The following PAGE2 variants were observed in gnomAD, a reference collection of about 807,000 sequenced individuals.
The protein encoded by PAGE2 is P antigen family member 2.
A neutral mutation model predicts 7.5 loss-of-function variants in PAGE2; 6 were observed. That is an observed-to-expected ratio of 0.80 (90% CI 0.44 to 1.57). The LOEUF (loss-of-function observed/expected upper bound fraction) is 1.57. Ranked by LOEUF, PAGE2 falls within the 40% of genes most tolerant of loss-of-function variation. PAGE2 has a pLI of 0.01. For missense variants in PAGE2, 72 were observed against 76.4 expected, an observed-to-expected ratio of 0.94 and a Z score of 0.21; for synonymous variants, 22 against 25.4, an observed-to-expected ratio of 0.87 and a Z score of 0.41.
Position 55,090,610 on chromosome X carries a change from G to A in PAGE2, c.193G>A (p.Gly65Arg). Residue 65 changes from glycine to arginine, a missense_variant and splice_region_variant, in exon 3 of 5, where the codon GGG becomes AGG. Coordinates refer to ENST00000374968, the MANE Select transcript of PAGE2 (RefSeq NM_207339.4). ...IENQAVPAFQ[G>R]PDMEAFQQEL... ...AAATCAAGCAGTGCCTGCTTTTCAA[G>A]GTGAAGGGAGAGTGGAAAATAATGC... 1 of 1,198,909 alleles carries A rather than the reference G, an allele frequency of 8.3e-7. No homozygotes were observed. Among genetic ancestry groups the A allele is most frequent in the Middle Eastern group, 2.3e-4 (1 of 4,321 alleles).
chrX:55,089,397 G>A (rs1460262152), intron 1 of PAGE2, among the ~76,000 whole-genome samples: 1 of 110,394 alleles, frequency 9.1e-6, no homozygotes, highest in Non-Finnish European at 1.9e-5. Context: ...CCCTCTGAGA[G>A]AGGACAGTTT....
In PAGE2 at chrX:55,090,482, A is replaced by G; in HGVS notation, c.85-20A>G. The G allele has an allele frequency of 2.6e-6, 3 of 1,156,987 alleles. No individual in the cohort carries two copies. Among genetic ancestry groups the G allele is most frequent in the Non-Finnish European group, 3.5e-6 (3 of 855,456 alleles). On this transcript the variant is annotated intron_variant, in intron 2 of 4. Coordinates refer to ENST00000374968, the MANE Select transcript of PAGE2 (RefSeq NM_207339.4). ...TTTATATTATTGACTTTTTATTCAC[A>G]CACACACTTACACCCTTAGGTCCAG...
At chrX:55,091,729 A>T (rs1936658348) in intron 4 of PAGE2, among the ~76,000 whole-genome samples, 1 of 80,330 alleles carries the variant, frequency 1.2e-5, no homozygotes, top group Non-Finnish European at 2.7e-5. Context: ...AATTGGGTCA[A>T]AACTAATTGG....
intron 2 of PAGE2, among the ~76,000 whole-genome samples, 197 bp from the exon 3 acceptor site, chrX:55,090,305 T>G (rs1936642761): frequency 9.9e-6 from 1 of 101,275 alleles, no homozygotes; most frequent in Non-Finnish European, 2.0e-5. Flanking sequence ...TCTCTCTATC[T>G]CTATGTATGT....
chrX:55,091,228 C>T, intron 3 of PAGE2, 104 bp from the exon 4 acceptor site: 2 of 1,135,400 alleles, frequency 1.8e-6, no homozygotes, highest in East Asian at 3.1e-5. Flanking sequence ...AAATAATTAG[C>T]CTACCGGTTT....
chrX:55,091,130 A>G (rs1158127025), intron 3 of PAGE2, among the ~76,000 whole-genome samples: 2 of 111,418 alleles, frequency 1.8e-5, no homozygotes, highest in Admixed American at 1.9e-4. Flanking sequence ...TAAAAGGGAC[A>G]AGTAAGTTGT....
At chrX:55,090,762 T>A (rs3002386) in intron 3 of PAGE2, 152 bp downstream of exon 3, 3 of 541,951 alleles carry the variant, frequency 5.5e-6, no homozygotes, top group Non-Finnish European at 2.9e-6. Context: ...GGGACAAGGA[T>A]GCATAAAAAG....
Position 55,090,362 on chromosome X carries a change from CTATCATCT to C in PAGE2, c.85-139_85-132del, listed in dbSNP as rs1936644674. ...TCTATCTATCTATCTATCTATCTAT[CTATCATCT>C]ATCTATCTATATGTGTGTGTATGTG... On this transcript the variant is annotated intron_variant, in intron 2 of 4. Coordinates refer to ENST00000374968, the MANE Select transcript of PAGE2 (RefSeq NM_207339.4). 2.5e-5 allele frequency: 15 copies of C among 610,135 alleles called. No individual in the cohort carries two copies. The South Asian group carries it at 4.2e-4, about 17-fold the overall frequency. 50.3% of individuals were successfully genotyped at this position (610,135 alleles called of 1,213,427 possible). A position where few individuals can be genotyped will look rare whatever the true frequency, so the allele number is the denominator to read the frequency against.
Position 55,090,618 on chromosome X carries a change from G to A in PAGE2, c.193+8G>A, listed in dbSNP as rs765255043. 5 of 1,194,830 alleles carry A rather than the reference G, an allele frequency of 4.2e-6. No individual in the cohort carries two copies. In the South Asian group the frequency reaches 9.0e-5, roughly 22 times the overall value. On this transcript the variant is annotated splice_region_variant and intron_variant, in intron 3 of 4. Coordinates refer to ENST00000374968, the MANE Select transcript of PAGE2 (RefSeq NM_207339.4). ...CAGTGCCTGCTTTTCAAGGTGAAGG[G>A]AGAGTGGAAAATAATGCTTATGGGT... is the stretch of plus-strand genomic sequence containing the variant.
intron 1 of PAGE2, 129 bp from the exon 2 acceptor site, chrX:55,089,884 T>G: frequency 1.9e-6 from 1 of 523,907 alleles, no homozygotes; most frequent in Non-Finnish European, 3.1e-6. Flanking sequence ...TACTTATCAT[T>G]GCTCTGTGAC....
In PAGE2 at chrX:55,090,118, C is replaced by T; in HGVS notation, c.84+14C>T. On this transcript the variant is annotated intron_variant, in intron 2 of 4. Coordinates refer to ENST00000374968, the MANE Select transcript of PAGE2 (RefSeq NM_207339.4). ...GGATCTGTGATTGTGAGTCTTTTAA[C>T]ATTTGATGTTTTCTATTAACACAAT... The T allele has an allele frequency of 8.5e-7, 1 of 1,178,232 alleles. No individual in the cohort carries two copies. The highest frequency in any genetic ancestry group is 1.8e-5 in the South Asian group (1 of 55,170).
intron 3 of PAGE2, among the ~76,000 whole-genome samples, chrX:55,090,903 A>T (rs756537776): frequency 9.2e-6 from 1 of 108,878 alleles, no homozygotes; most frequent in East Asian, 2.9e-4. Context: ...GCTGTGGAAG[A>T]ATGGCAGCTT....
chrX:55,091,242 T>C (rs769563337), intron 3 of PAGE2, 90 bp from the exon 4 acceptor site: 1,258 of 1,157,666 alleles, frequency 1.1e-3, no homozygotes, highest in Non-Finnish European at 5.7e-4. Flanking sequence ...CCGGTTTTTA[T>C]TTCATAATGA....
intron 1 of PAGE2, among the ~76,000 whole-genome samples, chrX:55,089,747 A>G (rs1195611805): frequency 1.8e-5 from 2 of 110,205 alleles, no homozygotes; most frequent in African/African-American, 6.8e-5. Context: ...TTCATGATGG[A>G]GAGTCTAATT....
At chrX:55,090,175 A>T (rs1159357367) in intron 2 of PAGE2, 71 bp downstream of exon 2, 2 of 981,559 alleles carry the variant, frequency 2.0e-6, no homozygotes, top group Non-Finnish European at 2.8e-6. Context: ...GCTAGTATAC[A>T]TACACTGATA....
intron 3 of PAGE2, 71 bp downstream of exon 3, chrX:55,090,681 C>T: frequency 3.0e-6 from 2 of 667,535 alleles, no homozygotes; most frequent in Non-Finnish European, 4.6e-6. Flanking sequence ...TTATGACATA[C>T]CAGTAACAGG....
chrX:55,089,745 G>A (rs1420955154), intron 1 of PAGE2, among the ~76,000 whole-genome samples: 1 of 110,176 alleles, frequency 9.1e-6, no homozygotes, highest in East Asian at 2.8e-4. Context: ...TCTTCATGAT[G>A]GAGAGTCTAA....
chrX:55,089,710 T>C (rs181076456), intron 1 of PAGE2, among the ~76,000 whole-genome samples: 1 of 110,394 alleles, frequency 9.1e-6, no homozygotes, highest in East Asian at 2.8e-4. Context: ...TCAGTTTCAA[T>C]TCTCTGCCCG....
intron 3 of PAGE2, 147 bp from the exon 4 acceptor site, chrX:55,091,185 C>G (rs1008298580): frequency 4.9e-6 from 5 of 1,028,793 alleles, no homozygotes; most frequent in South Asian, 2.4e-5. Flanking sequence ...TCGAATATCT[C>G]TGCTTTCCTG....
Sources: gnomAD v4.1 joint callset for allele counts (sites outside exome capture counted in the v4.1 genomes callset) on GRCh38, gnomAD v4.1.1 for gene constraint, MANE v1.5 for transcripts, NCBI Gene and HGNC (gene_info 2026-07-23, HGNC 2026-07-21) for gene names.